The following DIP2A variants were observed in gnomAD, a reference collection of about 807,000 sequenced individuals.
DIP2A encodes disco-interacting protein 2 homolog A.
In DIP2A, 85 loss-of-function variants were observed where a neutral mutation model predicts 177.4. The observed-to-expected ratio is 0.48, with a 90% CI of 0.40 to 0.57. The LOEUF is 0.57. Among genes scored for constraint, DIP2A ranks in the 20% least tolerant of loss-of-function variants. The pLI is 0.00. For missense variants in DIP2A, 1,791 were observed against 2,100.2 expected (o/e 0.85, Z 2.88); for synonymous variants, 886 against 881.8 (o/e 1.00, Z -0.08).
intron 2 of DIP2A, among the ~76,000 whole-genome samples, chr21:46,489,930 A>G (rs2056909125): frequency 1.3e-5 from 2 of 152,212 alleles, no homozygotes. Context: ...CAGAGAGTGG[A>G]GGTCCTGGTG....
intron 35 of DIP2A, 103 bp from the exon 36 acceptor site, chr21:46,565,610 C>T: frequency 8.2e-7 from 1 of 1,212,536 alleles, no homozygotes; most frequent in Admixed American, 2.8e-5. Context: ...CGACTTCGTT[C>T]AGTGTTTTCT....
chr21:46,532,305 C>T, intron 10 of DIP2A, 68 bp downstream of exon 10: 1 of 1,297,730 alleles, frequency 7.7e-7, no homozygotes, highest in Non-Finnish European at 1.1e-6. Context: ...TATCTTACTT[C>T]CTTTTCACTC....
At chr21:46,467,246 A>G (rs1855323205) in intron 1 of DIP2A, among the ~76,000 whole-genome samples, 1 of 150,370 alleles carries the variant, frequency 6.7e-6, no homozygotes, top group Non-Finnish European at 1.5e-5. Context: ...CAGTGAGCCG[A>G]TATCGCACCG....
At chr21:46,470,113 G>A (rs555008190) in intron 1 of DIP2A, among the ~76,000 whole-genome samples, 1 of 152,092 alleles carries the variant, frequency 6.6e-6, no homozygotes, top group South Asian at 2.1e-4. Flanking sequence ...CAAGGCAGGC[G>A]GATCACCTGA....
In DIP2A at chr21:46,467,400, C is replaced by T. The variant is rs531146396; in HGVS notation, c.91+8178C>T. Among the ~76,000 whole-genome samples the T allele has an allele frequency of 1.6e-3, 237 of 152,004 alleles. 1 individual carries two copies. Among genetic ancestry groups the T allele is most frequent in the Middle Eastern group, 0.01 (3 of 294 alleles). Reference sequence around the variant, plus strand: ...GTTTGTTTTTTAAGATAGTGTCTCGCTCTGTTGCCCAGTTGGGAGTGCAGT... The same window carrying T: ...GTTTGTTTTTTAAGATAGTGTCTCGTTCTGTTGCCCAGTTGGGAGTGCAGT... On this transcript the variant is annotated intron_variant, in intron 1 of 37. Coordinates refer to ENST00000417564, the MANE Select transcript of DIP2A (RefSeq NM_015151.4).
chr21:46,510,956 CT>C (rs143892862), intron 7 of DIP2A, among the ~76,000 whole-genome samples: 7,075 of 152,170 alleles, frequency 0.046, 527 homozygotes, highest in African/African-American at 0.16. Flanking sequence ...TCTTTTAATT[CT>C]TTTTCTTTGA....
At chr21:46,552,034 C>T in intron 25 of DIP2A, 130 bp downstream of exon 25, 3 of 1,093,626 alleles carry the variant, frequency 2.7e-6, no homozygotes, top group Non-Finnish European at 4.0e-6. Flanking sequence ...GTGGACTCAG[C>T]CCCCGTCCTG....
chr21:46,522,093 C>G (rs1334989227), intron 8 of DIP2A, among the ~76,000 whole-genome samples: 1 of 152,150 alleles, frequency 6.6e-6, no homozygotes, highest in Non-Finnish European at 1.5e-5. Context: ...GACCAAATGC[C>G]TAAATTTTTG....
chr21:46,570,457 G>A (rs571200466), downstream of DIP2A, among the ~76,000 whole-genome samples: 107 of 152,170 alleles, frequency 7.0e-4, no homozygotes, highest in African/African-American at 2.5e-3. Flanking sequence ...CAGTCCTTAT[G>A]GTCAAGTTTT....
In DIP2A at chr21:46,484,805, C is replaced by T; in HGVS notation, c.140C>T (p.Ala47Val). The T allele has an allele frequency of 1.3e-6, 2 of 1,586,598 alleles. No individual in the cohort carries two copies. Among genetic ancestry groups the T allele is most frequent in the Non-Finnish European group, 8.6e-7 (1 of 1,165,868 alleles). ...GYEKKRAKLL[A>V]RYIPLIQGID... The stretch of plus-strand genomic sequence containing the variant: ...GAAAAGAAAAGGGCAAAGCTGCTTG[C>T]ACGTTATATACCGCTTATTCAAGGT... The change falls in exon 2 of 38, where the codon GCA becomes GTA. Residue 47 changes from alanine (A) to valine (V), a missense_variant. Coordinates refer to ENST00000417564, the MANE Select transcript of DIP2A (RefSeq NM_015151.4).
Position 46,555,791 on chromosome 21 carries a change from G to A in DIP2A, c.3389-191G>A, listed in dbSNP as rs1313370278. On this transcript the variant is annotated intron_variant, in intron 28 of 37. Coordinates refer to ENST00000417564, the MANE Select transcript of DIP2A (RefSeq NM_015151.4). ...TGTGGTCTTGGTGGGACCGGGTAGC[G>A]TTTCCATGAAGAATGAAATACGCTT... 38 of 590,012 alleles carry A rather than the reference G, an allele frequency of 6.4e-5. No homozygotes were observed. In the East Asian group the frequency reaches 8.2e-4, roughly 13 times the overall value. 36.5% of individuals were successfully genotyped at this position (590,012 alleles called of 1,614,324 possible). A position where few individuals can be genotyped will look rare whatever the true frequency, so the allele number is the denominator to read the frequency against.
At chr21:46,495,238 TC>T (rs776553474) in intron 3 of DIP2A, among the ~76,000 whole-genome samples, 774 of 56,906 alleles carry the variant, frequency 0.014, 4 homozygotes, top group African/African-American at 0.048. Context: ...TCTTCTCTTC[TC>T]TTCTTTCTCT....
intron 16 of DIP2A, 37 bp downstream of exon 16, chr21:46,538,639 A>G: frequency 1.3e-6 from 2 of 1,541,356 alleles, no homozygotes; most frequent in Non-Finnish European, 1.7e-6. Context: ...TACCCCACAC[A>G]GTGTCCCCTC....
At chr21:46,518,957 C>T (rs1009296877) in intron 8 of DIP2A, among the ~76,000 whole-genome samples, 19 of 152,142 alleles carry the variant, frequency 1.2e-4, no homozygotes, top group African/African-American at 4.1e-4. Flanking sequence ...GGCTGCTGGA[C>T]TAAGAATACT....
At chr21:46,505,436 A>G (rs1052206518) in intron 6 of DIP2A, among the ~76,000 whole-genome samples, 9 of 152,078 alleles carry the variant, frequency 5.9e-5, no homozygotes, top group African/African-American at 1.2e-4. Flanking sequence ...GTGAAACCCC[A>G]TCTCTACTAA....
At chr21:46,526,034 G>C in intron 8 of DIP2A, among the ~76,000 whole-genome samples, 1 of 151,682 alleles carries the variant, frequency 6.6e-6, no homozygotes, top group East Asian at 1.9e-4. Context: ...TCAGTCTCCT[G>C]AGTAGCTGGG....
chr21:46,571,455 T>C (rs2148934584), downstream of DIP2A, among the ~76,000 whole-genome samples: 1 of 152,318 alleles, frequency 6.6e-6, no homozygotes, highest in South Asian at 2.1e-4. Flanking sequence ...GGTAGCTTGA[T>C]GGGGATAGCA....
intron 5 of DIP2A, 27 bp from the exon 6 acceptor site, chr21:46,504,334 C>G (rs371333759): frequency 6.2e-7 from 1 of 1,612,504 alleles, no homozygotes; most frequent in African/African-American, 1.3e-5. Flanking sequence ...CAGCCACTTT[C>G]ATTTTGGGTG....
rs563090470 is a variant in DIP2A at position 46,557,645 on chromosome 21, C to T, written c.3690C>T (p.Ser1230=). Reference sequence around the variant, plus strand: ...CGCTGGAGCTGGAGAGCAACGTGTCCCTGTGGCTGTCGGCCGTCAGCCAGT... The same window carrying T: ...CGCTGGAGCTGGAGAGCAACGTGTCTCTGTGGCTGTCGGCCGTCAGCCAGT... ...VPPLELESNV[S]LWLSAVSQYK... is the part of the protein sequence containing the mutation. Residue 1230 remains serine (S), a synonymous_variant, in exon 31 of 38, where the codon TCC becomes TCT. Transcript: ENST00000417564. This position sits in a 1 kb window ranked among gnomAD's most constrained non-coding sequence, Gnocchi z 6.0. 1.2e-6 allele frequency: 2 copies of T among 1,613,056 alleles called. No individual in the cohort carries two copies. Among genetic ancestry groups the T allele is most frequent in the South Asian group, 2.2e-5 (2 of 91,054 alleles).
Sources: allele counts gnomAD v4.1 joint callset (sites outside exome capture counted in the v4.1 genomes callset), GRCh38; gene constraint gnomAD v4.1.1; non-coding constraint Gnocchi (gnomAD v3.1); transcripts MANE v1.5; gene names NCBI Gene and HGNC (gene_info 2026-07-23, HGNC 2026-07-21).